The following FSHR variants were observed in gnomAD, a reference collection of about 807,000 sequenced individuals.
The protein encoded by FSHR is follicle-stimulating hormone receptor.
Under a neutral mutation model 52.1 loss-of-function variants are expected in FSHR, and 46 were observed. That is an observed-to-expected ratio of 0.88 (90% CI 0.70 to 1.13). The LOEUF (loss-of-function observed/expected upper bound fraction) is 1.13. FSHR is among the 50% of genes most tolerant of loss of function. The pLI, the probability that FSHR is intolerant of heterozygous loss-of-function variation, is 0.00. For missense variants in FSHR, 964 were observed against 834.6 expected, an observed-to-expected ratio of 1.16 and a Z score of -1.91; for synonymous variants, 399 against 309.6, an observed-to-expected ratio of 1.29 and a Z score of -3.03.
intron 1 of FSHR, among the ~76,000 whole-genome samples, chr2:49,142,356 G>C (rs1672718143): frequency 6.6e-6 from 1 of 152,174 alleles, no homozygotes. Context: ...ATCTCATCAT[G>C]CTGAAAGATG....
intron 2 of FSHR, among the ~76,000 whole-genome samples, chr2:49,038,068 ATAATAGAG>A (rs764274978): frequency 7.9e-5 from 12 of 152,188 alleles, no homozygotes; most frequent in Admixed American, 1.3e-4. Context: ...ATATCAAAAG[ATAATAGAG>A]TTATGTGCTG....
intron 3 of FSHR, among the ~76,000 whole-genome samples, 176 bp downstream of exon 3, chr2:49,019,910 C>A (rs1667628236): frequency 6.6e-6 from 1 of 152,098 alleles, no homozygotes; most frequent in Non-Finnish European, 1.5e-5. Context: ...TGAGCTGGTC[C>A]CTGGGTCACC....
chr2:49,127,954 G>A (rs1257149331), intron 1 of FSHR, among the ~76,000 whole-genome samples: 7 of 142,970 alleles, frequency 4.9e-5, no homozygotes, highest in South Asian at 2.3e-4. Flanking sequence ...GTGCAGTGGC[G>A]CAATCTCCAC....
intron 2 of FSHR, among the ~76,000 whole-genome samples, chr2:49,025,291 G>A (rs1054622322): frequency 6.6e-6 from 1 of 152,136 alleles, no homozygotes; most frequent in Non-Finnish European, 1.5e-5. Flanking sequence ...GGAATCTAAA[G>A]ATGAATAAAA....
chr2:49,120,719 T>C (rs1180813372), intron 1 of FSHR, among the ~76,000 whole-genome samples: 2 of 152,190 alleles, frequency 1.3e-5, no homozygotes, highest in Non-Finnish European at 2.9e-5. Flanking sequence ...ACAACCTCTC[T>C]GGCCTCACTC....
intron 4 of FSHR, among the ~76,000 whole-genome samples, chr2:49,003,454 C>T (rs779735884): frequency 1.3e-5 from 2 of 152,164 alleles, no homozygotes; most frequent in African/African-American, 4.8e-5. Flanking sequence ...TGGATGCATT[C>T]CTCCTGCAGA....
intron 1 of FSHR, among the ~76,000 whole-genome samples, chr2:49,131,290 A>G (rs915629613): frequency 6.6e-6 from 1 of 152,198 alleles, no homozygotes; most frequent in Admixed American, 6.6e-5. Context: ...AAAGTTATTT[A>G]TATCTAATTG....
At chr2:49,015,471 A>G (rs1300589033) in intron 4 of FSHR, among the ~76,000 whole-genome samples, 1 of 152,140 alleles carries the variant, frequency 6.6e-6, no homozygotes, top group African/African-American at 2.4e-5. Flanking sequence ...AAATATTTTC[A>G]TATCTAAATC....
chr2:49,112,774 A>G (rs542927208), intron 1 of FSHR, among the ~76,000 whole-genome samples: 6 of 152,228 alleles, frequency 3.9e-5, no homozygotes, highest in Admixed American at 6.5e-5. Flanking sequence ...GCCCCTATAA[A>G]CTTTTGTGAA....
At chr2:49,092,776 C>T (rs1670658922) in intron 1 of FSHR, among the ~76,000 whole-genome samples, 1 of 152,290 alleles carries the variant, frequency 6.6e-6, no homozygotes, top group South Asian at 2.1e-4. Context: ...AGTGATTCTC[C>T]TGCCTCAGCC....
intron 4 of FSHR, among the ~76,000 whole-genome samples, chr2:48,996,183 T>A (rs1676016184): frequency 6.6e-6 from 1 of 152,148 alleles, no homozygotes; most frequent in Non-Finnish European, 1.5e-5. Flanking sequence ...TCTTTTACAT[T>A]TTTAATTACA....
intron 1 of FSHR, among the ~76,000 whole-genome samples, chr2:49,090,779 A>G (rs887788892): frequency 6.6e-6 from 1 of 152,176 alleles, no homozygotes; most frequent in Non-Finnish European, 1.5e-5. Context: ...AGCATGCAGT[A>G]GTCAGTTTTG....
intron 4 of FSHR, among the ~76,000 whole-genome samples, chr2:49,016,507 G>C (rs1426401351): frequency 6.6e-6 from 1 of 152,182 alleles, no homozygotes; most frequent in African/African-American, 2.4e-5. Context: ...TACCCTGCTA[G>C]AAATGAGTGC....
At chr2:49,145,014 T>G (rs1672819202) in intron 1 of FSHR, among the ~76,000 whole-genome samples, 2 of 152,130 alleles carry the variant, frequency 1.3e-5, no homozygotes, top group African/African-American at 4.8e-5. Context: ...TTGTTAAGAT[T>G]AGCTCTGGTC....
At chr2:49,079,269 G>T (rs1241700466) in intron 1 of FSHR, among the ~76,000 whole-genome samples, 3 of 152,092 alleles carry the variant, frequency 2.0e-5, no homozygotes, top group Non-Finnish European at 2.9e-5. Context: ...TTTATAAGTG[G>T]TAAGTTTCAA....
chr2:49,078,995 C>T (rs1312931083), intron 1 of FSHR, among the ~76,000 whole-genome samples: 1 of 152,128 alleles, frequency 6.6e-6, no homozygotes, highest in Non-Finnish European at 1.5e-5. Context: ...TGTTTACACA[C>T]ACACACAAAG....
At chr2:49,099,463 T>G (rs761153331) in intron 1 of FSHR, among the ~76,000 whole-genome samples, 1 of 152,140 alleles carries the variant, frequency 6.6e-6, no homozygotes, top group East Asian at 1.9e-4. Flanking sequence ...GTCTCAGGTA[T>G]GTCTTTATTA....
intron 8 of FSHR, among the ~76,000 whole-genome samples, chr2:48,971,399 G>T (rs1002251906): frequency 6.6e-6 from 1 of 152,210 alleles, no homozygotes; most frequent in Non-Finnish European, 1.5e-5. Flanking sequence ...GGAGGATCCA[G>T]CTTCTACCAG....
At chr2:49,119,026 C>T (rs1316761102) in intron 1 of FSHR, among the ~76,000 whole-genome samples, 1 of 152,170 alleles carries the variant, frequency 6.6e-6, no homozygotes, top group African/African-American at 2.4e-5. Flanking sequence ...GCCTAGACAC[C>T]AACAGGATCC....
Sources: allele counts gnomAD v4.1 joint callset (sites outside exome capture counted in the v4.1 genomes callset), GRCh38; gene constraint gnomAD v4.1.1; transcripts MANE v1.5; gene names NCBI Gene and HGNC (gene_info 2026-07-23, HGNC 2026-07-21).